ZNF460: variants seen among roughly 807,000 people sequenced by gnomAD.
ZNF460 encodes zinc finger protein 460.
A neutral mutation model predicts 8.4 loss-of-function variants in ZNF460; 1 was observed. That is an observed-to-expected ratio of 0.12 (90% CI 0.04 to 0.56). ZNF460 has a LOEUF of 0.56. ZNF460 is among the 20% of genes least tolerant of loss of function. The pLI is 0.91. For synonymous variants in ZNF460, 262 were observed against 259.9 expected, an observed-to-expected ratio of 1.01 and a Z score of -0.08; for missense variants, 477 against 714.8, an observed-to-expected ratio of 0.67 and a Z score of 3.79.
intron 1 of ZNF460, among the ~76,000 whole-genome samples, chr19:57,282,148 A>G (rs1369464449): frequency 2.0e-5 from 3 of 152,084 alleles, no homozygotes; most frequent in South Asian, 2.1e-4. Flanking sequence ...AAAAAATGGT[A>G]TATTGGTTGT....
In ZNF460 at chr19:57,280,488, AC is replaced by A; in HGVS notation, c.-318del. ...CTCCGTGGGCCGGTTTGGCCCTGAA[AC>A]AGTGTGGGGCCTAGAGCGCTGGGTG... On this transcript the variant is annotated 5_prime_UTR_variant, in exon 1 of 3. Transcript: ENST00000360338. 1 of 390,996 alleles carries A rather than the reference AC, an allele frequency of 2.6e-6. No individual in the cohort carries two copies. Among genetic ancestry groups the A allele is most frequent in the Non-Finnish European group, 4.7e-6 (1 of 212,618 alleles). 24.2% of individuals were successfully genotyped at this position (390,996 alleles called of 1,614,324 possible). A position where few individuals can be genotyped will look rare whatever the true frequency, so the allele number is the denominator to read the frequency against.
chr19:57,290,072 A>G lies in ZNF460; in HGVS notation c.158-627A>G, dbSNP rs760100851. ...GGAGAATTGCTTGAACCCAGGAGGC[A>G]GAAGTTGCAGTGAGCTGAGATCATG... On this transcript the variant is annotated intron_variant, in intron 2 of 2. Transcript: ENST00000360338. 1.2e-4 allele frequency among the ~76,000 whole-genome samples: 18 copies of G among 152,056 alleles called. No individual in the cohort carries two copies. In the South Asian group the frequency reaches 1.5e-3, roughly 12 times the overall value.
At chr19:57,281,368 T>C (rs1334060170) in intron 1 of ZNF460, among the ~76,000 whole-genome samples, 2 of 152,152 alleles carry the variant, frequency 1.3e-5, no homozygotes, top group Non-Finnish European at 2.9e-5. Context: ...CCTTACACCC[T>C]TGCCCAGAGT....
In ZNF460 at chr19:57,288,255, C is replaced by T. The variant is rs559261487; in HGVS notation, c.158-2444C>T. On this transcript the variant is annotated intron_variant, in intron 2 of 2. Coordinates refer to ENST00000360338, the MANE Select transcript of ZNF460 (RefSeq NM_006635.4). ...TCTTCCTCTGTCGCCCAGGCTGGAG[C>T]GCAGTGGCACCATCATAGCTCACTG... Among the ~76,000 whole-genome samples, 16 of 152,170 alleles carry T rather than the reference C, an allele frequency of 1.1e-4. No individual in the cohort carries two copies. In the South Asian group the frequency reaches 3.1e-3, roughly 30 times the overall value.
chr19:57,291,739 G>A lies in ZNF460; in HGVS notation c.1198G>A (p.Ala400Thr), dbSNP rs1433821669. Residue 400 changes from alanine (A) to threonine (T), a missense_variant, in exon 3 of 3, where the codon GCC becomes ACC. By Grantham distance (58) the Ala-to-Thr change is moderately conservative. Coordinates refer to ENST00000360338, the MANE Select transcript of ZNF460 (RefSeq NM_006635.4). The surrounding 1 kb of genome is among the most constrained non-coding windows in gnomAD (Gnocchi z 8.4). The part of the protein sequence containing the change: ...KPFECKECGK[A>T]FSIRKDLIRH... The stretch of plus-strand genomic sequence containing the variant: ...TTTTGAGTGCAAAGAATGTGGGAAA[G>A]CCTTTAGCATTCGAAAAGACCTCAT... 2.5e-6 allele frequency: 4 copies of A among 1,614,098 alleles called. No individual in the cohort carries two copies. Among genetic ancestry groups the A allele is most frequent in the Non-Finnish European group, 3.4e-6 (4 of 1,180,048 alleles).
intron 1 of ZNF460, among the ~76,000 whole-genome samples, chr19:57,281,160 C>T (rs535418013): frequency 3.3e-5 from 5 of 152,276 alleles, no homozygotes; most frequent in East Asian, 3.9e-4. Flanking sequence ...TGCATTTTTC[C>T]CTGGTCCTTT....
At chr19:57,287,958 C>T (rs570970918) in intron 2 of ZNF460, among the ~76,000 whole-genome samples, 3 of 152,214 alleles carry the variant, frequency 2.0e-5, no homozygotes, top group African/African-American at 7.2e-5. Flanking sequence ...CACTGTACTC[C>T]AGACTGGACG....
chr19:57,280,611 G>A lies in ZNF460; in HGVS notation c.-196G>A. On this transcript the variant is annotated 5_prime_UTR_variant, in exon 1 of 3. Transcript: ENST00000360338. ...CCTGACGCCCCGCTTCTCCCCTAAC[G>A]AGGTGTCCCACCGGCGCCCGCCGAG... The A allele has an allele frequency of 1.5e-6, 1 of 666,716 alleles. No homozygotes were observed. The highest frequency in any genetic ancestry group is 2.5e-6 in the Non-Finnish European group (1 of 398,368). 41.3% of individuals were successfully genotyped at this position (666,716 alleles called of 1,614,324 possible). A position where few individuals can be genotyped will look rare whatever the true frequency, so the allele number is the denominator to read the frequency against.
intron 1 of ZNF460, among the ~76,000 whole-genome samples, chr19:57,283,202 G>C (rs2122883554): frequency 6.6e-6 from 1 of 150,560 alleles, no homozygotes; most frequent in Admixed American, 6.6e-5. Context: ...ATGGAGTCTA[G>C]CTCTGTTGCC....
rs764708285 is a variant in ZNF460 at position 57,291,675 on chromosome 19, C to G, written c.1134C>G (p.Thr378=). The part of the protein sequence containing the change: ...QCGKAFTHYS[T]YVLHERAHTG... ...GAAAGGCCTTCACTCACTATTCCAC[C>G]TATGTCCTGCATGAAAGAGCCCACA... Residue 378 remains threonine, a synonymous_variant, in exon 3 of 3, where the codon ACC becomes ACG. Transcript: ENST00000360338. The surrounding 1 kb of genome is among the most constrained non-coding windows in gnomAD (Gnocchi z 8.4). The G allele has an allele frequency of 1.2e-5, 20 of 1,613,894 alleles. No individual in the cohort carries two copies. Among genetic ancestry groups the G allele is most frequent in the Non-Finnish European group, 1.7e-5 (20 of 1,179,956 alleles).
chr19:57,280,490 A>C lies in ZNF460; in HGVS notation c.-317A>C, dbSNP rs907816048. 6 of 391,360 alleles carry C rather than the reference A, an allele frequency of 1.5e-5. No individual in the cohort carries two copies. Among genetic ancestry groups the C allele is most frequent in the East Asian group, 1.4e-4 (3 of 21,824 alleles). The allele number at this position is 391,360 out of a possible 1,614,324, so 24.2% of individuals were successfully genotyped here. Reference sequence around the variant, plus strand: ...CCGTGGGCCGGTTTGGCCCTGAAACAGTGTGGGGCCTAGAGCGCTGGGTGG... The same window carrying C: ...CCGTGGGCCGGTTTGGCCCTGAAACCGTGTGGGGCCTAGAGCGCTGGGTGG... On this transcript the variant is annotated 5_prime_UTR_variant, in exon 1 of 3. Transcript: ENST00000360338.
intron 1 of ZNF460, among the ~76,000 whole-genome samples, chr19:57,282,343 C>T (rs1040039759): frequency 6.6e-6 from 1 of 152,172 alleles, no homozygotes; most frequent in Non-Finnish European, 1.5e-5. Flanking sequence ...TGGCTACAAC[C>T]TGCTGTGCCC....
intron 1 of ZNF460, among the ~76,000 whole-genome samples, chr19:57,284,336 C>A (rs1018228500): frequency 6.6e-6 from 1 of 152,014 alleles, no homozygotes; most frequent in Admixed American, 6.6e-5. Context: ...AGCAGTTCTC[C>A]TGCCTCAGCC....
At position 57,289,732 on chromosome 19, in the gene ZNF460, G is replaced by C. The variant is rs112335089; in HGVS notation, c.158-967G>C. Among the ~76,000 whole-genome samples, 518 of 152,134 alleles carry C rather than the reference G, an allele frequency of 3.4e-3. 3 individuals carry two copies. Among genetic ancestry groups the C allele is most frequent in the African/African-American group, 0.012 (498 of 41,512 alleles). On this transcript the variant is annotated intron_variant, in intron 2 of 2. Coordinates refer to ENST00000360338, the MANE Select transcript of ZNF460 (RefSeq NM_006635.4). ...AAATTTCAAGAGTTGGCCAGGCACG[G>C]TGGGTCACGCCTGTAATCCCAGCAC...
At position 57,280,622 on chromosome 19, in the gene ZNF460, C is replaced by T. The variant is rs949308351; in HGVS notation, c.-185C>T. 25 of 766,484 alleles carry T rather than the reference C, an allele frequency of 3.3e-5. No homozygotes were observed. Among genetic ancestry groups the T allele is most frequent in the Non-Finnish European group, 4.7e-5 (23 of 489,006 alleles). 47.5% of individuals were successfully genotyped at this position (766,484 alleles called of 1,614,324 possible). On this transcript the variant is annotated 5_prime_UTR_variant, in exon 1 of 3. Coordinates refer to ENST00000360338, the MANE Select transcript of ZNF460 (RefSeq NM_006635.4). The stretch of plus-strand genomic sequence containing the variant: ...GCTTCTCCCCTAACGAGGTGTCCCA[C>T]CGGCGCCCGCCGAGGCCTAGGCCTC...
At position 57,280,597 on chromosome 19, in the gene ZNF460, G is replaced by T. The variant is rs2087830065; in HGVS notation, c.-210G>T. On this transcript the variant is annotated 5_prime_UTR_variant, in exon 1 of 3. Transcript: ENST00000360338. ...CGTCTTGGCGGGAGCCTGACGCCCC[G>T]CTTCTCCCCTAACGAGGTGTCCCAC... The T allele has an allele frequency of 6.4e-6, 4 of 621,392 alleles. No homozygotes were observed. The African/African-American group carries it at 7.4e-5, about 12-fold the overall frequency. The allele number at this position is 621,392 out of a possible 1,614,324, so 38.5% of individuals were successfully genotyped here. A position where few individuals can be genotyped will look rare whatever the true frequency, so the allele number is the denominator to read the frequency against.
Position 57,292,067 on chromosome 19 carries a change from G to A in ZNF460, c.1526G>A (p.Ser509Asn). 1 of 1,614,226 alleles carries A rather than the reference G, an allele frequency of 6.2e-7. No homozygotes were observed. The change falls in exon 3 of 3, where the codon AGT becomes AAT. Residue 509 changes from serine to asparagine, a missense_variant. Coordinates refer to ENST00000360338, the MANE Select transcript of ZNF460 (RefSeq NM_006635.4). ...TAEKSHEPIQ[S>N]GNVSCESTDL... Reference sequence around the variant, plus strand: ...GAGAAGTCCCACGAACCCATCCAGAGTGGGAACGTTTCTTGTGAGAGCACA... The same window carrying A: ...GAGAAGTCCCACGAACCCATCCAGAATGGGAACGTTTCTTGTGAGAGCACA...
At position 57,293,382 on chromosome 19, in the gene ZNF460, T is replaced by G. The variant is rs2087933090; in HGVS notation, c.*1152T>G. 6.6e-6 allele frequency: 1 copy of G among 152,236 alleles called. No individual in the cohort carries two copies. The highest frequency in any genetic ancestry group is 1.5e-5 in the Non-Finnish European group (1 of 68,038). 9.4% of individuals were successfully genotyped at this position (152,236 alleles called of 1,614,324 possible). A position where few individuals can be genotyped will look rare whatever the true frequency, so the allele number is the denominator to read the frequency against. On this transcript the variant is annotated 3_prime_UTR_variant, in exon 3 of 3. Coordinates refer to ENST00000360338, the MANE Select transcript of ZNF460 (RefSeq NM_006635.4). ...TGACTGGAATTTTAACAGGTGAACC[T>G]GCATATGTATATGCAGGTAGTTGTC...
chr19:57,288,630 T>A (rs2087895419), intron 2 of ZNF460, among the ~76,000 whole-genome samples: 1 of 152,194 alleles, frequency 6.6e-6, no homozygotes, highest in Non-Finnish European at 1.5e-5. Flanking sequence ...CAGGCAAGAT[T>A]TGAACTGAGA....
Sources: gnomAD v4.1 joint callset for allele counts (sites outside exome capture counted in the v4.1 genomes callset) on GRCh38, gnomAD v4.1.1 for gene constraint, Gnocchi (gnomAD v3.1) non-coding constraint, MANE v1.5 for transcripts, NCBI Gene and HGNC (gene_info 2026-07-23, HGNC 2026-07-21) for gene names.